SHQ1: variants seen among roughly 807,000 people sequenced by gnomAD.
The protein encoded by SHQ1 is protein SHQ1 homolog.
A neutral mutation model predicts 53.8 loss-of-function variants in SHQ1; 49 were observed. That is an observed-to-expected ratio of 0.91 (90% CI 0.72 to 1.16). SHQ1 has a LOEUF of 1.16. Ranked by LOEUF, SHQ1 falls within the 50% of genes most tolerant of loss-of-function variation. The pLI, the probability that SHQ1 is intolerant of heterozygous loss-of-function variation, is 0.00. For missense variants in SHQ1, 738 were observed against 683.1 expected (o/e 1.08, Z -0.90); for synonymous variants, 243 against 251.0 (o/e 0.97, Z 0.30).
Position 72,832,496 on chromosome 3 carries a change from A to G in SHQ1, c.487-15T>C. ...CTCAGTTCATCCTGAGGACACCCAG[A>G]AAAGAAAGAATAATTGCTATCTCCT... is the stretch of plus-strand genomic sequence containing the variant. On this transcript the variant is annotated splice_polypyrimidine_tract_variant and intron_variant, in intron 4 of 10. Coordinates refer to ENST00000325599, the MANE Select transcript of SHQ1 (RefSeq NM_018130.3). 6.5e-7 allele frequency: 1 copy of G among 1,538,444 alleles called. No individual in the cohort carries two copies. Among genetic ancestry groups the G allele is most frequent in the Non-Finnish European group, 8.9e-7 (1 of 1,129,490 alleles).
intron 10 of SHQ1, among the ~76,000 whole-genome samples, chr3:72,774,333 A>G (rs1032185537): frequency 6.6e-6 from 1 of 152,208 alleles, no homozygotes; most frequent in Admixed American, 6.5e-5. Context: ...CCAACCAACA[A>G]GTTTCATCCA....
chr3:72,772,104 G>A (rs1705865872), intron 10 of SHQ1, among the ~76,000 whole-genome samples: 1 of 152,136 alleles, frequency 6.6e-6, no homozygotes, highest in African/African-American at 2.4e-5. Context: ...TCATCAAGAG[G>A]AGTGATGTCA....
intron 9 of SHQ1, chr3:72,793,358 T>G (rs1706503444): frequency 5.8e-6 from 1 of 172,706 alleles, no homozygotes; most frequent in South Asian, 1.4e-4. Context: ...ATACAAAAAA[T>G]TAGCCAGGCG....
At chr3:72,818,469 A>G (rs979716195) in intron 6 of SHQ1, among the ~76,000 whole-genome samples, 4 of 152,174 alleles carry the variant, frequency 2.6e-5, no homozygotes, top group African/African-American at 9.7e-5. Context: ...ACTTTACTTA[A>G]AGGCTACAAT....
In SHQ1 at chr3:72,848,314, G is replaced by A. The variant is rs752049180; in HGVS notation, c.27C>T (p.Ser9=). ...CGATAGTCAGGAAGTCCGGATCCTG[G>A]CTGAGGTCGAACGCCGGGGTCAGCA... MLTPAFDL[S]QDPDFLTIAI... The change falls in exon 1 of 11, where the codon AGC becomes AGT. Residue 9 remains serine, a synonymous_variant. Coordinates refer to ENST00000325599, the MANE Select transcript of SHQ1 (RefSeq NM_018130.3). The A allele has an allele frequency of 1.3e-5, 21 of 1,614,158 alleles. No individual in the cohort carries two copies. The highest frequency in any genetic ancestry group is 1.8e-5 in the Non-Finnish European group (21 of 1,180,018).
chr3:72,833,368 G>A (rs1022037709), intron 4 of SHQ1, among the ~76,000 whole-genome samples: 1 of 152,138 alleles, frequency 6.6e-6, no homozygotes, highest in Non-Finnish European at 1.5e-5. Context: ...TTGAGCCCAG[G>A]AGATGGAGGC....
chr3:72,801,449 C>T (rs1706784521), intron 9 of SHQ1, among the ~76,000 whole-genome samples: 1 of 151,782 alleles, frequency 6.6e-6, no homozygotes. Context: ...ATGAAAAAAA[C>T]TAAAATTGCA....
chr3:72,838,075 A>G (rs1249459990), intron 4 of SHQ1, among the ~76,000 whole-genome samples: 5 of 152,244 alleles, frequency 3.3e-5, no homozygotes, highest in Admixed American at 2.6e-4. Context: ...CATGGTGCAC[A>G]CACCATACTT....
At chr3:72,765,557 A>ATATATATATATATATATTTTT (rs1491527508) in intron 10 of SHQ1, among the ~76,000 whole-genome samples, 1 of 57,192 alleles carries the variant, frequency 1.7e-5, no homozygotes, top group African/African-American at 7.9e-5. Context: ...ATATATATAT[A>ATATATATATATATATATTTTT]TTTTTTTTTT....
intron 9 of SHQ1, among the ~76,000 whole-genome samples, chr3:72,798,572 A>G (rs1236395053): frequency 6.6e-6 from 1 of 152,258 alleles, no homozygotes; most frequent in Non-Finnish European, 1.5e-5. Context: ...AGGTAAACTA[A>G]GAACAATGTG....
At chr3:72,788,436 G>C (rs1455104687) in intron 10 of SHQ1, among the ~76,000 whole-genome samples, 3 of 150,864 alleles carry the variant, frequency 2.0e-5, no homozygotes, top group African/African-American at 7.3e-5. Context: ...CTCTCTGCCC[G>C]GCAGCCGCCC....
In SHQ1 at chr3:72,750,258, CA is replaced by C. The variant is rs1246572096; in HGVS notation, c.*25del. ...ATGAAACCCAATCTACCATATTTCT[CA>C]ACAATGAATAAAACCACCTAAGAGT... On this transcript the variant is annotated 3_prime_UTR_variant, in exon 11 of 11. Coordinates refer to ENST00000325599, the MANE Select transcript of SHQ1 (RefSeq NM_018130.3). 24 of 1,521,488 alleles carry C rather than the reference CA, an allele frequency of 1.6e-5. No individual in the cohort carries two copies. The highest frequency in any genetic ancestry group is 2.0e-5 in the Non-Finnish European group (22 of 1,122,250). The allele number at this position is 1,521,488 out of a possible 1,614,324, so 94.2% of individuals were successfully genotyped here.
intron 4 of SHQ1, among the ~76,000 whole-genome samples, chr3:72,840,416 C>T (rs1264791048): frequency 1.3e-5 from 2 of 151,804 alleles, no homozygotes; most frequent in East Asian, 1.9e-4. Flanking sequence ...ACTAGCCAGG[C>T]GTGGTGGTAG....
chr3:72,733,408 A>C, the SHQ1 span, among the ~76,000 whole-genome samples: 1 of 151,706 alleles, frequency 6.6e-6, no homozygotes, highest in South Asian at 2.1e-4. Flanking sequence ...ACTCTGGTGC[A>C]GGGGATACAA....
intron 10 of SHQ1, among the ~76,000 whole-genome samples, chr3:72,765,530 C>CATATATATATATATATATATATATATAT (rs10551107): frequency 2.4e-5 from 2 of 83,510 alleles, no homozygotes; most frequent in African/African-American, 1.2e-4. Flanking sequence ...ATTCACATGA[C>CATATATATATATATATATATATATATAT]ATATATATAT....
At chr3:72,787,366 T>C (rs1377968616) in intron 10 of SHQ1, among the ~76,000 whole-genome samples, 1 of 152,210 alleles carries the variant, frequency 6.6e-6, no homozygotes, top group East Asian at 1.9e-4. Flanking sequence ...CAGGTTCACA[T>C]TTGTACTGAT....
At chr3:72,726,833 G>T in the SHQ1 span, among the ~76,000 whole-genome samples, 1 of 152,062 alleles carries the variant, frequency 6.6e-6, no homozygotes, top group South Asian at 2.1e-4. Context: ...AGCATCCCTG[G>T]GATTTCCACC....
intron 1 of SHQ1, among the ~76,000 whole-genome samples, chr3:72,845,705 T>A (rs1045063756): frequency 1.2e-4 from 18 of 152,154 alleles, no homozygotes; most frequent in African/African-American, 3.9e-4. Context: ...ATTCCAAACT[T>A]GAAATTTGAG....
At chr3:72,846,441 G>T (rs1004500292) in intron 1 of SHQ1, 5 of 747,526 alleles carry the variant, frequency 6.7e-6, no homozygotes, top group Non-Finnish European at 6.4e-6. Flanking sequence ...GACTACAAGC[G>T]CGTGCCATCA....
Sources: gnomAD v4.1 joint callset for allele counts (sites outside exome capture counted in the v4.1 genomes callset) on GRCh38, gnomAD v4.1.1 for gene constraint, MANE v1.5 for transcripts, NCBI Gene and HGNC (gene_info 2026-07-23, HGNC 2026-07-21) for gene names.